Variants in CACNA1B observed in about 807,000 individuals in gnomAD.
CACNA1B encodes calcium voltage-gated channel subunit alpha1 B.
CACNA1B carries 70 observed loss-of-function variants against 247.2 expected under a neutral mutation model. That is an observed-to-expected ratio of 0.28 (90% CI 0.23 to 0.35). The LOEUF (loss-of-function observed/expected upper bound fraction) is 0.35, where lower values mean the gene tolerates loss of function less well. Ranked by LOEUF, CACNA1B falls within the 10% of genes least tolerant of loss-of-function variation. The probability of loss-of-function intolerance (pLI) is 1.00; values close to 1 mark genes in which losing one functional copy is unlikely to be tolerated. For synonymous variants in CACNA1B, 1,231 were observed against 1,294.4 expected (o/e 0.95, Z 1.05); for missense variants, 2,367 against 3,197.4 (o/e 0.74, Z 6.26).
intron 36 of CACNA1B, among the ~76,000 whole-genome samples, chr9:138,093,024 T>C (rs1452374925): frequency 6.6e-6 from 1 of 152,100 alleles, no homozygotes; most frequent in African/African-American, 2.4e-5. Context: ...GAAAAAATAT[T>C]CAACATCACT....
intron 19 of CACNA1B, among the ~76,000 whole-genome samples, chr9:138,024,660 G>T (rs911504338): frequency 2.6e-5 from 4 of 152,196 alleles, no homozygotes; most frequent in Middle Eastern, 3.4e-3. Flanking sequence ...AGACAGGACC[G>T]CACTGTCGCC....
intron 20 of CACNA1B, among the ~76,000 whole-genome samples, chr9:138,025,421 A>G (rs544585058): frequency 2.6e-5 from 4 of 152,332 alleles, no homozygotes; most frequent in African/African-American, 7.2e-5. Flanking sequence ...GTTGCCAACT[A>G]AGTGCCAGGT....
rs752741268 is a variant in CACNA1B at position 138,120,703 on chromosome 9, G to A, written c.6311G>A (p.Arg2104His). ...GPTGCRRERE[R>H]RQERGRSQER... is the part of the protein sequence containing the mutation. ...ACAGGCTGCCGGCGGGAACGAGAGC[G>A]CCGGCAGGAGCGGGGCCGGTCCCAG... Residue 2104 changes from arginine to histidine, a missense_variant, in exon 46 of 47, where the codon CGC (arginine) becomes CAC (histidine). Physicochemically the swap from Arg to His is conservative, Grantham distance 29 (BLOSUM62 0). Around this residue, in one of 12 missense-constraint regions of CACNA1B, gnomAD observed 773 missense variants for 779.4 expected, o/e 0.99. Transcript: ENST00000371372. The A allele has an allele frequency of 2.5e-5, 38 of 1,520,548 alleles. No individual in the cohort carries two copies. The highest frequency in any genetic ancestry group is 2.2e-4 in the Admixed American group (9 of 40,374). 94.2% of individuals were successfully genotyped at this position (1,520,548 alleles called of 1,614,324 possible). A position where few individuals can be genotyped will look rare whatever the true frequency, so the allele number is the denominator to read the frequency against.
intron 32 of CACNA1B, 81 bp downstream of exon 32, chr9:138,069,844 ACTCCAGCC>A (rs1960058298): frequency 1.7e-6 from 2 of 1,186,668 alleles, no homozygotes; most frequent in African/African-American, 3.0e-5. Context: ...GGTTCCTGGG[ACTCCAGCC>A]CACTGCCCTC....
chr9:138,120,332 C>T lies in CACNA1B; in HGVS notation c.6198C>T (p.Ser2066=). 6.4e-7 allele frequency: 1 copy of T among 1,560,798 alleles called. No individual in the cohort carries two copies. The highest frequency in any genetic ancestry group is 1.2e-5 in the South Asian group (1 of 85,514). ...GCCGCAGGGACAGGAAGCAGAGGTC[C>T]CTGGAGAAGGGGCCCAGCCTGTCTG... The part of the protein sequence containing the change: ...CHRRRDRKQR[S]LEKGPSLSAD... The change falls in exon 45 of 47, where the codon TCC becomes TCT. Residue 2066 remains serine (S), a synonymous_variant. Transcript: ENST00000371372.
chr9:138,023,710 C>A lies in CACNA1B; in HGVS notation c.2967C>A (p.His989Gln). 1.9e-6 allele frequency: 3 copies of A among 1,542,256 alleles called. No individual in the cohort carries two copies. The highest frequency in any genetic ancestry group is 1.7e-6 in the Non-Finnish European group (2 of 1,143,756). Reference protein sequence around the residue: ...HRARHKAQPAHEAVEKETTEK... With the variant: ...HRARHKAQPAQEAVEKETTEK... Reference sequence around the variant, plus strand: ...CCCGGCACAAGGCGCAGCCTGCTCACGAGGCTGTGGAGAAGGAGACCACGG... The same window carrying A: ...CCCGGCACAAGGCGCAGCCTGCTCAAGAGGCTGTGGAGAAGGAGACCACGG... Residue 989 changes from histidine (H) to glutamine (Q), a missense_variant, in exon 19 of 47, where the codon CAC becomes CAA. Coordinates refer to ENST00000371372, the MANE Select transcript of CACNA1B (RefSeq NM_000718.4).
At chr9:138,086,964 A>G (rs1960712513) in intron 36 of CACNA1B, among the ~76,000 whole-genome samples, 1 of 150,238 alleles carries the variant, frequency 6.7e-6, no homozygotes. Context: ...TGTATCAAGT[A>G]TTTTTTCTAA....
At chr9:137,904,855 A>C (rs1321674647) in intron 3 of CACNA1B, among the ~76,000 whole-genome samples, 1 of 152,120 alleles carries the variant, frequency 6.6e-6, no homozygotes, top group Admixed American at 6.5e-5. Flanking sequence ...TATGTTGGTG[A>C]GAACTCTTAA....
chr9:137,950,452 C>A lies in CACNA1B; in HGVS notation c.967-1822C>A, dbSNP rs1424762229. Reference sequence around the variant, plus strand: ...GGCTTGGGCTGGGGGGCCGTGATAACCCCTGCTGAGGAGGAACGTTCCACT... The same window carrying A: ...GGCTTGGGCTGGGGGGCCGTGATAAACCCTGCTGAGGAGGAACGTTCCACT... On this transcript the variant is annotated intron_variant, in intron 6 of 46. Coordinates refer to ENST00000371372, the MANE Select transcript of CACNA1B (RefSeq NM_000718.4). The surrounding 1 kb of genome is among the most constrained non-coding windows in gnomAD (Gnocchi z 4.8). Among the ~76,000 whole-genome samples, 2 of 152,236 alleles carry A rather than the reference C, an allele frequency of 1.3e-5. No homozygotes were observed.
At chr9:137,908,037 G>A (rs914089560) in intron 3 of CACNA1B, among the ~76,000 whole-genome samples, 21 of 152,302 alleles carry the variant, frequency 1.4e-4, no homozygotes, top group African/African-American at 4.3e-4. Context: ...TGCCTTCCCT[G>A]TCCAATCCAC....
At chr9:137,994,780 T>C (rs1958476671) in intron 15 of CACNA1B, among the ~76,000 whole-genome samples, 1 of 152,226 alleles carries the variant, frequency 6.6e-6, no homozygotes. Context: ...AAAATGACTA[T>C]ACTGCCAAAA....
At chr9:137,893,133 C>T in intron 3 of CACNA1B, among the ~76,000 whole-genome samples, 1 of 152,028 alleles carries the variant, frequency 6.6e-6, no homozygotes, top group Non-Finnish European at 1.5e-5. Flanking sequence ...CAGCCTGGGA[C>T]CGTGGGCATG....
chr9:138,110,997 A>G (rs1439138338), intron 39 of CACNA1B, among the ~76,000 whole-genome samples: 1 of 151,920 alleles, frequency 6.6e-6, no homozygotes, highest in African/African-American at 2.4e-5. Context: ...AAAAACCACA[A>G]CGAGATTACA....
At chr9:138,120,954 C>T in intron 46 of CACNA1B, 73 bp downstream of exon 46, 1 of 1,480,296 alleles carries the variant, frequency 6.8e-7, no homozygotes, top group South Asian at 1.3e-5. Context: ...CCACAGGCTC[C>T]TGCCTCTCCC....
In CACNA1B at chr9:138,023,549, C is replaced by A. The variant is rs1194706835; in HGVS notation, c.2806C>A (p.Arg936Ser). The A allele has an allele frequency of 9.2e-7, 1 of 1,085,844 alleles. No homozygotes were observed. Among genetic ancestry groups the A allele is most frequent in the Admixed American group, 4.5e-5 (1 of 22,038 alleles). 67.3% of individuals were successfully genotyped at this position (1,085,844 alleles called of 1,614,324 possible). A position where few individuals can be genotyped will look rare whatever the true frequency, so the allele number is the denominator to read the frequency against. The part of the protein sequence containing the change: ...EAAEREPRRH[R>S]AHRHQDPSKE... ...GGCCGAGCGGGAGCCCCGACGCCACCGCGCGCACCGGCACCAGGATCCGAG... is the reference window on the plus strand; with the variant it reads ...GGCCGAGCGGGAGCCCCGACGCCACAGCGCGCACCGGCACCAGGATCCGAG... The change falls in exon 19 of 47, where the codon CGC becomes AGC. Residue 936 changes from arginine (R) to serine (S), a missense_variant. Around this residue, in one of 12 missense-constraint regions of CACNA1B, gnomAD observed 631 missense variants for 631.1 expected, o/e 1.00. Coordinates refer to ENST00000371372, the MANE Select transcript of CACNA1B (RefSeq NM_000718.4).
At chr9:138,033,762 A>AG (rs1347721931) in intron 20 of CACNA1B, among the ~76,000 whole-genome samples, 3 of 152,208 alleles carry the variant, frequency 2.0e-5, no homozygotes, top group Non-Finnish European at 2.9e-5. Flanking sequence ...ACACTTAATA[A>AG]GACCATCCTA....
At chr9:137,994,403 A>G (rs2133393137) in intron 15 of CACNA1B, among the ~76,000 whole-genome samples, 1 of 152,356 alleles carries the variant, frequency 6.6e-6, no homozygotes, top group Non-Finnish European at 1.5e-5. Flanking sequence ...GAGGAAGTCA[A>G]ACTGTCACTG....
rs1250527551 is a variant in CACNA1B, at chr9:137,954,427, C to T, written c.1071-1271C>T. On this transcript the variant is annotated intron_variant, in intron 7 of 46. Transcript: ENST00000371372. This position sits in a 1 kb window ranked among gnomAD's most constrained non-coding sequence, Gnocchi z 4.1. ...CCTGCCTCTTCTCACCCAGCGAGGA[C>T]AGAAGCTCAGGGAGGGCTGGCCCTG... 6.6e-6 allele frequency among the ~76,000 whole-genome samples: 1 copy of T among 152,236 alleles called. No homozygotes were observed. The highest frequency in any genetic ancestry group is 1.5e-5 in the Non-Finnish European group (1 of 68,040).
chr9:137,892,467 G>A (rs781666360), intron 3 of CACNA1B: 14 of 406,518 alleles, frequency 3.4e-5, no homozygotes, highest in Non-Finnish European at 6.4e-5. Flanking sequence ...TAGATGGTTT[G>A]ATGTCTGCAG....
Sources: gnomAD v4.1 joint callset for allele counts (sites outside exome capture counted in the v4.1 genomes callset) on GRCh38, gnomAD v4.1.1 for gene constraint, gnomAD v4.1.1 regional missense constraint, Gnocchi (gnomAD v3.1) non-coding constraint, MANE v1.5 for transcripts, NCBI Gene and HGNC (gene_info 2026-07-23, HGNC 2026-07-21) for gene names.